The following MELTF variants were observed in gnomAD, a reference collection of about 807,000 sequenced individuals.
MELTF encodes melanotransferrin.
MELTF carries 67 observed loss-of-function variants against 83.7 expected under a neutral mutation model. That is an observed-to-expected ratio of 0.80 (90% CI 0.66 to 0.98). The LOEUF (loss-of-function observed/expected upper bound fraction) is 0.98, where lower values mean the gene tolerates loss of function less well. MELTF is among the 50% of genes least tolerant of loss of function. The probability of loss-of-function intolerance (pLI) is 0.00; values close to 1 mark genes in which losing one functional copy is unlikely to be tolerated. For synonymous variants in MELTF, 462 were observed against 447.6 expected (o/e 1.03, Z -0.41); for missense variants, 1,002 against 1,035.6 (o/e 0.97, Z 0.44).
chr3:197,017,181 G>A lies in MELTF; in HGVS notation c.822C>T (p.Ala274=), dbSNP rs1470885212. 1.2e-6 allele frequency: 2 copies of A among 1,608,234 alleles called. No homozygotes were observed. The highest frequency in any genetic ancestry group is 1.7e-6 in the Non-Finnish European group (2 of 1,178,376). The change falls in exon 7 of 16, where the codon GCC becomes GCT. Residue 274 remains alanine, a synonymous_variant. Coordinates refer to ENST00000296350, the MANE Select transcript of MELTF (RefSeq NM_005929.6). ...CCACCACGGCGTGAGCAGGCACCCG[G>A]GCCAGATGGCACTGCCTCCACTCGG... is the stretch of plus-strand genomic sequence containing the variant. ...DVTEWRQCHL[A]RVPAHAVVVR...
chr3:197,007,810 G>A lies in MELTF; in HGVS notation c.1750+847C>T, dbSNP rs1368356865. ...AACTGAGGTTTTCGTTTTTTTCCCT[G>A]CACGTCTTGCTTCCCATTGTCCAGT... On this transcript the variant is annotated intron_variant, in intron 13 of 15. Coordinates refer to ENST00000296350, the MANE Select transcript of MELTF (RefSeq NM_005929.6). The surrounding 1 kb of genome is among the most constrained non-coding windows in gnomAD (Gnocchi z 4.3). Among the ~76,000 whole-genome samples, 1 of 152,118 alleles carries A rather than the reference G, an allele frequency of 6.6e-6. No individual in the cohort carries two copies. Among genetic ancestry groups the A allele is most frequent in the Non-Finnish European group, 1.5e-5 (1 of 68,010 alleles).
intron 6 of MELTF, chr3:197,019,423 C>G (rs1719529456): frequency 7.3e-7 from 1 of 1,377,150 alleles, no homozygotes; most frequent in East Asian, 2.5e-5. Flanking sequence ...AAAATGACTC[C>G]CTTAGATTGC....
chr3:197,020,508 C>A (rs1719577497), intron 6 of MELTF, among the ~76,000 whole-genome samples: 2 of 151,906 alleles, frequency 1.3e-5, no homozygotes, highest in South Asian at 2.1e-4. Flanking sequence ...CACACACACA[C>A]AATAAAATGT....
At chr3:197,005,675 G>C (rs1178679895) in intron 14 of MELTF, among the ~76,000 whole-genome samples, 1 of 152,180 alleles carries the variant, frequency 6.6e-6, no homozygotes, top group Non-Finnish European at 1.5e-5. Context: ...GGAGAGCTGT[G>C]GCCAGTGCCA....
chr3:197,017,705 A>G (rs140103648), intron 6 of MELTF, among the ~76,000 whole-genome samples: 4,096 of 152,078 alleles, frequency 0.027, 170 homozygotes, highest in African/African-American at 0.081. Flanking sequence ...GTGAAACCCC[A>G]TCTCTACTAA....
At chr3:197,010,186 C>T (rs557449617) in intron 10 of MELTF, among the ~76,000 whole-genome samples, 1 of 152,236 alleles carries the variant, frequency 6.6e-6, no homozygotes, top group Non-Finnish European at 1.5e-5. Context: ...TGCTCACACC[C>T]AGGTGGAAGG....
intron 10 of MELTF, 36 bp from the exon 11 acceptor site, chr3:197,009,848 T>C: frequency 6.3e-7 from 1 of 1,582,568 alleles, no homozygotes; most frequent in Non-Finnish European, 8.7e-7. Flanking sequence ...GGGCCCCTCA[T>C]CTGAGAGCCC....
chr3:197,018,069 C>G (rs1719471009), intron 6 of MELTF, among the ~76,000 whole-genome samples: 1 of 152,190 alleles, frequency 6.6e-6, no homozygotes, highest in Non-Finnish European at 1.5e-5. Context: ...GGGGGATCTC[C>G]CATAACTCCA....
At chr3:197,019,488 A>G (rs1719531588) in intron 6 of MELTF, 2 of 1,480,644 alleles carry the variant, frequency 1.4e-6, no homozygotes, top group East Asian at 2.3e-5. Flanking sequence ...CTGTCATCCC[A>G]GCTACTCAGG....
At chr3:197,013,009 C>T (rs1719241332) in intron 9 of MELTF, among the ~76,000 whole-genome samples, 1 of 152,196 alleles carries the variant, frequency 6.6e-6, no homozygotes, top group Non-Finnish European at 1.5e-5. Flanking sequence ...TCTGAGTGCT[C>T]GGTGCTGTCA....
chr3:197,023,061 A>G lies in MELTF; in HGVS notation c.540T>C (p.Ser180=). ...AGAGGCGACAGAGGGACTCAGAGTA[A>G]CTGGTCTCTCCTGCCCCCGGGACGC... ...GSCVPGAGET[S]YSESLCRLCR... Residue 180 remains serine (S), a synonymous_variant, in exon 5 of 16, where the codon AGT becomes AGC. Coordinates refer to ENST00000296350, the MANE Select transcript of MELTF (RefSeq NM_005929.6). 1 of 1,613,842 alleles carries G rather than the reference A, an allele frequency of 6.2e-7. No individual in the cohort carries two copies. The highest frequency in any genetic ancestry group is 8.5e-7 in the Non-Finnish European group (1 of 1,180,010).
chr3:197,012,298 T>G (rs988988492), intron 9 of MELTF, among the ~76,000 whole-genome samples: 1 of 152,110 alleles, frequency 6.6e-6, no homozygotes. Context: ...GCAAGTTACT[T>G]CCCCAGCCTC....
rs555234006 is a variant in MELTF, at chr3:197,022,131, C to T, written c.645-660G>A. Among the ~76,000 whole-genome samples, 2 of 152,302 alleles carry T rather than the reference C, an allele frequency of 1.3e-5. No individual in the cohort carries two copies. Among genetic ancestry groups the T allele is most frequent in the South Asian group, 2.1e-4 (1 of 4,828 alleles). ...GTGGAAGGGACCATTGACTTTTACA[C>T]GATCTGCTGATGTCACTGCCCAGTG... On this transcript the variant is annotated intron_variant, in intron 5 of 15. Coordinates refer to ENST00000296350, the MANE Select transcript of MELTF (RefSeq NM_005929.6). The surrounding 1 kb of genome is among the most constrained non-coding windows in gnomAD (Gnocchi z 5.1).
chr3:197,024,201 G>T lies in MELTF; in HGVS notation c.487+102C>A. The T allele has an allele frequency of 2.3e-6, 3 of 1,286,160 alleles. No homozygotes were observed. The highest frequency in any genetic ancestry group is 3.2e-6 in the Non-Finnish European group (3 of 933,672). The allele number at this position is 1,286,160 out of a possible 1,614,324, so 79.7% of individuals were successfully genotyped here. On this transcript the variant is annotated intron_variant, in intron 4 of 15. Transcript: ENST00000296350. This position sits in a 1 kb window ranked among gnomAD's most constrained non-coding sequence, Gnocchi z 5.3. ...GCTGCGCCTTCCAGGAATGAAGAATGGTGGCGAGGCCGGAGGGAGGCTACC... is the reference window on the plus strand; with the variant it reads ...GCTGCGCCTTCCAGGAATGAAGAATTGTGGCGAGGCCGGAGGGAGGCTACC...
chr3:197,023,840 T>C, intron 4 of MELTF: 1 of 456,800 alleles, frequency 2.2e-6, no homozygotes, highest in Non-Finnish European at 4.4e-6. Context: ...CTCTCGCGGG[T>C]TTACACGGCT....
In MELTF at chr3:197,010,679, C is replaced by T. The variant is rs370326157; in HGVS notation, c.1330+19G>A. On this transcript the variant is annotated intron_variant, in intron 10 of 15. Transcript: ENST00000296350. ...TCCCCACCTCCCGGCTGAGGCCAGG[C>T]GGCAGGCCCTGCACTCACGGGCATA... 240 of 1,600,368 alleles carry T rather than the reference C, an allele frequency of 1.5e-4. No homozygotes were observed. The highest frequency in any genetic ancestry group is 3.3e-4 in the Middle Eastern group (2 of 6,038).
rs1407550919 is a variant in MELTF at position 197,003,466 on chromosome 3, G to A, written c.2138-15C>T. 7 of 1,066,372 alleles carry A rather than the reference G, an allele frequency of 6.6e-6. No individual in the cohort carries two copies. In the African/African-American group the frequency reaches 8.5e-5, roughly 13 times the overall value. The allele number at this position is 1,066,372 out of a possible 1,614,324, so 66.1% of individuals were successfully genotyped here. On this transcript the variant is annotated splice_polypyrimidine_tract_variant and intron_variant, in intron 15 of 15. Transcript: ENST00000296350. The surrounding 1 kb of genome is among the most constrained non-coding windows in gnomAD (Gnocchi z 6.2). ...CGCCGGGGCCGCTGGGGACGAACGC[G>A]GCGGGTCAGGCCCCGAAGCCCGGGC...
intron 1 of MELTF, 103 bp from the exon 2 acceptor site, chr3:197,028,013 C>G: frequency 2.2e-6 from 3 of 1,350,240 alleles, no homozygotes; most frequent in Non-Finnish European, 3.0e-6. Context: ...TTCGCCTGGA[C>G]AGCCAGTCCT....
rs1306667401 is a variant in MELTF, at chr3:197,006,723, C to T, written c.1764G>A (p.Glu588=). The part of the protein sequence containing the change: ...VFDNTNGHNS[E]PWAAELRSED... ...CTGACCTGAGCTCAGCAGCCCAGGG[C>T]TCGGAATTGTGGCCTGAGGGGGGTA... The change falls in exon 14 of 16, where the codon GAG becomes GAA. Residue 588 remains glutamate (E), a synonymous_variant. Transcript: ENST00000296350. The surrounding 1 kb of genome is among the most constrained non-coding windows in gnomAD (Gnocchi z 5.4). The T allele has an allele frequency of 2.0e-6, 3 of 1,534,678 alleles. No individual in the cohort carries two copies. The highest frequency in any genetic ancestry group is 2.6e-6 in the Non-Finnish European group (3 of 1,143,146).
Sources: gnomAD v4.1 joint callset for allele counts (sites outside exome capture counted in the v4.1 genomes callset) on GRCh38, gnomAD v4.1.1 for gene constraint, Gnocchi (gnomAD v3.1) non-coding constraint, MANE v1.5 for transcripts, NCBI Gene and HGNC (gene_info 2026-07-23, HGNC 2026-07-21) for gene names.